The following RSPO2 variants were observed in gnomAD, a reference collection of about 807,000 sequenced individuals.
RSPO2 encodes the protein R-spondin 2, also known as R-spondin-2.
RSPO2 carries 14 observed loss-of-function variants against 30.9 expected under a neutral mutation model. The ratio of observed to expected loss-of-function variants is 0.45; its 90% CI spans 0.30 to 0.71. RSPO2 has a LOEUF of 0.71. Ranked by LOEUF, RSPO2 falls within the 30% of genes least tolerant of loss-of-function variation. The pLI, the probability that RSPO2 is intolerant of heterozygous loss-of-function variation, is 0.08. For missense variants in RSPO2, 264 were observed against 301.9 expected, an observed-to-expected ratio of 0.87 and a Z score of 0.93; for synonymous variants, 107 against 96.4, an observed-to-expected ratio of 1.11 and a Z score of -0.64.
At chr8:108,021,626 G>A (rs1811061225) in intron 2 of RSPO2, among the ~76,000 whole-genome samples, 1 of 152,062 alleles carries the variant, frequency 6.6e-6, no homozygotes, top group African/African-American at 2.4e-5. Flanking sequence ...CCACCTAAAA[G>A]GTGAGGACTT....
chr8:107,980,161 C>T (rs947472200), intron 3 of RSPO2, among the ~76,000 whole-genome samples: 1 of 152,146 alleles, frequency 6.6e-6, no homozygotes, highest in African/African-American at 2.4e-5. Context: ...CAGCTGATGC[C>T]CCATGGGTTC....
At chr8:108,052,147 G>A (rs1812097447) in intron 2 of RSPO2, among the ~76,000 whole-genome samples, 1 of 152,094 alleles carries the variant, frequency 6.6e-6, no homozygotes, top group South Asian at 2.1e-4. Flanking sequence ...TAGAAAGCCA[G>A]GAAATTAAAT....
chr8:107,901,223 G>C, intron 5 of RSPO2, 33 bp from the exon 6 acceptor site: 3 of 1,583,122 alleles, frequency 1.9e-6, no homozygotes, highest in Non-Finnish European at 2.6e-6. Flanking sequence ...AGAGATGTCA[G>C]AAATGGCTCT....
chr8:108,064,815 C>T (rs1812606370), intron 2 of RSPO2, among the ~76,000 whole-genome samples: 1 of 152,150 alleles, frequency 6.6e-6, no homozygotes, highest in Non-Finnish European at 1.5e-5. Context: ...AAATGTGGCA[C>T]ATATACACCA....
rs1811419885 is a variant in RSPO2 at position 107,900,539 on chromosome 8, T to A, written c.*536A>T. The A allele has an allele frequency of 6.5e-6, 1 of 152,866 alleles. No individual in the cohort carries two copies. Among genetic ancestry groups the A allele is most frequent in the Non-Finnish European group, 1.5e-5 (1 of 68,352 alleles). 9.5% of individuals were successfully genotyped at this position (152,866 alleles called of 1,614,324 possible). Reference sequence around the variant, plus strand: ...GTAGCTCCTGCAGTATATGTACATATTAGGGCTGCAGTGAAACTGAGCAGG... The same window carrying A: ...GTAGCTCCTGCAGTATATGTACATAATAGGGCTGCAGTGAAACTGAGCAGG... On this transcript the variant is annotated 3_prime_UTR_variant, in exon 6 of 6. Transcript: ENST00000276659.
At chr8:107,967,954 A>T (rs1563543257) in intron 3 of RSPO2, among the ~76,000 whole-genome samples, 1 of 152,128 alleles carries the variant, frequency 6.6e-6, no homozygotes, top group East Asian at 1.9e-4. Context: ...TCTATCTTAC[A>T]GGCTTTTTGA....
chr8:107,932,579 T>A (rs1411826248), intron 5 of RSPO2, among the ~76,000 whole-genome samples: 1 of 151,922 alleles, frequency 6.6e-6, no homozygotes, highest in African/African-American at 2.4e-5. Context: ...GTAAATAAGA[T>A]CCTCTTGGAA....
chr8:107,958,262 C>T lies in RSPO2; in HGVS notation c.434G>A (p.Cys145Tyr). The T allele has an allele frequency of 1.2e-6, 2 of 1,611,624 alleles. No individual in the cohort carries two copies. The highest frequency in any genetic ancestry group is 1.7e-6 in the Non-Finnish European group (2 of 1,178,328). Residue 145 changes from cysteine (C) to tyrosine (Y), a missense_variant, in exon 5 of 6, where the codon TGT becomes TAT. Transcript: ENST00000276659. The stretch of plus-strand genomic sequence containing the variant: ...CCATTCGCTCCAATGACCAACTTCA[C>T]ATCCTTCTAGTAAAGATTTTTAGAA... Reference protein sequence around the residue: ...LEETMECVEGCEVGHWSEWGT... With the variant: ...LEETMECVEGYEVGHWSEWGT...
At chr8:107,994,757 A>G (rs1488084882) in intron 2 of RSPO2, among the ~76,000 whole-genome samples, 1 of 152,120 alleles carries the variant, frequency 6.6e-6, no homozygotes, top group Non-Finnish European at 1.5e-5. Flanking sequence ...AAAACTCATC[A>G]ATTATTGAAA....
At chr8:108,039,998 C>T (rs1282770076) in intron 2 of RSPO2, among the ~76,000 whole-genome samples, 4 of 152,118 alleles carry the variant, frequency 2.6e-5, no homozygotes, top group Non-Finnish European at 5.9e-5. Context: ...GCTGGCACCC[C>T]AATTTTGGAC....
intron 2 of RSPO2, among the ~76,000 whole-genome samples, chr8:108,029,054 CTTTTTTTTTTTTTTTTTTTT>C (rs71308771): frequency 0.22 from 5,817 of 26,128 alleles, 359 homozygotes; most frequent in African/African-American, 0.38. Context: ...TAACATGAGT[CTTTTTTTTTTTTTTTTTTTT>C]TTTTTTTTTT....
chr8:107,934,846 C>T (rs1563527883), intron 5 of RSPO2, among the ~76,000 whole-genome samples: 1 of 152,194 alleles, frequency 6.6e-6, no homozygotes, highest in East Asian at 1.9e-4. Flanking sequence ...ATTTCATGGA[C>T]ATTTATCACT....
chr8:107,971,885 A>C (rs1028814359), intron 3 of RSPO2, among the ~76,000 whole-genome samples: 1 of 152,162 alleles, frequency 6.6e-6, no homozygotes, highest in Non-Finnish European at 1.5e-5. Flanking sequence ...CTTTCACCTT[A>C]GTCATGCTCA....
chr8:108,077,765 A>G (rs943886324), intron 2 of RSPO2, among the ~76,000 whole-genome samples: 1 of 152,222 alleles, frequency 6.6e-6, no homozygotes, highest in Non-Finnish European at 1.5e-5. Flanking sequence ...AAATATAGAT[A>G]CGCAACACTG....
At chr8:108,003,307 ATATATTTTTTTTTT>A (rs1815336546) in intron 2 of RSPO2, among the ~76,000 whole-genome samples, 5 of 21,880 alleles carry the variant, frequency 2.3e-4, no homozygotes, top group African/African-American at 6.8e-4. Context: ...ATATATATAT[ATATATTTTTTTTTT>A]TTTTTTTTTT....
chr8:108,063,731 A>G (rs1812556887), intron 2 of RSPO2, among the ~76,000 whole-genome samples: 1 of 151,986 alleles, frequency 6.6e-6, no homozygotes, highest in Admixed American at 6.5e-5. Context: ...GTCAATCCTA[A>G]GCCAAAAGAA....
chr8:108,073,372 G>T (rs1812915768), intron 2 of RSPO2, among the ~76,000 whole-genome samples: 1 of 152,180 alleles, frequency 6.6e-6, no homozygotes. Flanking sequence ...CATTGCTGAG[G>T]TGATTAGTTG....
Position 107,915,875 on chromosome 8 carries a change from A to G in RSPO2, c.617-14685T>C, listed in dbSNP as rs567491296. ...CGGAGAATCTTTTGCCTGTGGTTCC[A>G]TAAAACAGAAAAGGGTGGGTTTGTC... is the stretch of plus-strand genomic sequence containing the variant. On this transcript the variant is annotated intron_variant, in intron 5 of 5. Coordinates refer to ENST00000276659, the MANE Select transcript of RSPO2 (RefSeq NM_178565.5). Among the ~76,000 whole-genome samples the G allele has an allele frequency of 1.4e-4, 22 of 152,292 alleles. No homozygotes were observed. The South Asian group carries it at 4.3e-3, about 30-fold the overall frequency.
chr8:107,977,571 C>T (rs566062092), intron 3 of RSPO2, among the ~76,000 whole-genome samples: 2 of 151,996 alleles, frequency 1.3e-5, no homozygotes, highest in South Asian at 4.2e-4. Flanking sequence ...GGGTCATGAC[C>T]AATAAAAAAC....
Sources: gnomAD v4.1 joint callset for allele counts (sites outside exome capture counted in the v4.1 genomes callset) on GRCh38, gnomAD v4.1.1 for gene constraint, MANE v1.5 for transcripts, NCBI Gene and HGNC (gene_info 2026-07-23, HGNC 2026-07-21) for gene names.